The following MYO1B variants were observed in gnomAD, a reference collection of about 807,000 sequenced individuals.
MYO1B encodes the protein unconventional myosin-Ib.
Under a neutral mutation model 159.7 loss-of-function variants are expected in MYO1B, and 72 were observed. The observed-to-expected ratio is 0.45, with a 90% CI of 0.37 to 0.55. The LOEUF (loss-of-function observed/expected upper bound fraction) is 0.55. Ranked by LOEUF, MYO1B falls within the 20% of genes least tolerant of loss-of-function variation. The pLI is 0.00. For synonymous variants in MYO1B, 468 were observed against 473.8 expected, an observed-to-expected ratio of 0.99 and a Z score of 0.16; for missense variants, 1,062 against 1,364.8, an observed-to-expected ratio of 0.78 and a Z score of 3.50.
chr2:191,306,543 T>C (rs1192359868), intron 3 of MYO1B, among the ~76,000 whole-genome samples: 1 of 151,944 alleles, frequency 6.6e-6, no homozygotes, highest in African/African-American at 2.4e-5. Context: ...AAAGAGAAAC[T>C]CAACGAGAGG....
chr2:191,260,465 G>A (rs1198562860), intron 1 of MYO1B, among the ~76,000 whole-genome samples: 1 of 151,626 alleles, frequency 6.6e-6, no homozygotes, highest in Non-Finnish European at 1.5e-5. Flanking sequence ...TTTACACAGT[G>A]TTTTAGTAGT....
At chr2:191,378,965 C>T (rs577164578) in intron 13 of MYO1B, among the ~76,000 whole-genome samples, 3 of 152,266 alleles carry the variant, frequency 2.0e-5, no homozygotes, top group Admixed American at 2.0e-4. Flanking sequence ...GATTTTGAAG[C>T]TTTAAAGCTT....
intron 3 of MYO1B, among the ~76,000 whole-genome samples, chr2:191,317,216 G>T (rs1483208164): frequency 3.2e-4 from 48 of 152,100 alleles, no homozygotes; most frequent in Non-Finnish European, 2.9e-5. Context: ...CAGATTGTAG[G>T]CACTGGATAC....
intron 2 of MYO1B, among the ~76,000 whole-genome samples, chr2:191,284,201 C>A (rs1043997051): frequency 6.6e-6 from 1 of 152,186 alleles, no homozygotes; most frequent in Non-Finnish European, 1.5e-5. Flanking sequence ...ACAGGGGACA[C>A]GTGGCCAGTT....
Position 191,408,202 on chromosome 2 carries a change from T to G in MYO1B, c.2631+13T>G. 6.3e-7 allele frequency: 1 copy of G among 1,591,170 alleles called. No individual in the cohort carries two copies. Among genetic ancestry groups the G allele is most frequent in the Non-Finnish European group, 8.6e-7 (1 of 1,159,534 alleles). On this transcript the variant is annotated intron_variant, in intron 25 of 30. Coordinates refer to ENST00000392318, the MANE Select transcript of MYO1B (RefSeq NM_001130158.3). ...GCTTCAGAGAATTGTAAGTTGACAC[T>G]TTATATCTGTGGATAATCAGCATTG...
At chr2:191,282,118 A>G (rs1215376338) in intron 2 of MYO1B, among the ~76,000 whole-genome samples, 1 of 152,260 alleles carries the variant, frequency 6.6e-6, no homozygotes, top group Non-Finnish European at 1.5e-5. Context: ...TTTCATTTAT[A>G]CACATGAAAA....
At chr2:191,281,859 G>A (rs184960102) in intron 2 of MYO1B, among the ~76,000 whole-genome samples, 1 of 152,178 alleles carries the variant, frequency 6.6e-6, no homozygotes, top group Admixed American at 6.5e-5. Flanking sequence ...TAGATATAGG[G>A]GCCTGAGTTA....
intron 6 of MYO1B, among the ~76,000 whole-genome samples, chr2:191,347,346 G>A (rs539630729): frequency 2.3e-4 from 35 of 152,282 alleles, no homozygotes; most frequent in African/African-American, 8.2e-4. Context: ...GATTTGATCT[G>A]TGCCTTTTCC....
chr2:191,382,353 C>A (rs192705582), intron 14 of MYO1B, among the ~76,000 whole-genome samples: 1 of 152,086 alleles, frequency 6.6e-6, no homozygotes, highest in East Asian at 1.9e-4. Flanking sequence ...ATTGTTATCC[C>A]CAGTGGCTTA....
intron 1 of MYO1B, among the ~76,000 whole-genome samples, chr2:191,271,260 T>C (rs1011362661): frequency 2.0e-5 from 3 of 152,256 alleles, no homozygotes; most frequent in African/African-American, 7.2e-5. Flanking sequence ...GCTAATGCTG[T>C]TATACTGCTA....
chr2:191,358,332 T>TCCC (rs1693434586), intron 7 of MYO1B, among the ~76,000 whole-genome samples: 1 of 152,216 alleles, frequency 6.6e-6, no homozygotes, highest in East Asian at 1.9e-4. Flanking sequence ...TCTCTTTCTA[T>TCCC]TTTCCCTTTG....
chr2:191,251,831 A>G (rs1324146970), intron 1 of MYO1B, among the ~76,000 whole-genome samples: 2 of 152,122 alleles, frequency 1.3e-5, no homozygotes, highest in African/African-American at 2.4e-5. Flanking sequence ...TCACATTGCA[A>G]CCACAACAAA....
intron 3 of MYO1B, 96 bp downstream of exon 3, chr2:191,296,322 GT>G (rs1688980165): frequency 5.1e-6 from 2 of 395,016 alleles, no homozygotes. Flanking sequence ...TCAGAATAAT[GT>G]TTTTGTCAGT....
chr2:191,256,103 CTGTT>C (rs1356270794), intron 1 of MYO1B, among the ~76,000 whole-genome samples: 3 of 152,136 alleles, frequency 2.0e-5, no homozygotes, highest in Non-Finnish European at 4.4e-5. Context: ...AATCTGTGCT[CTGTT>C]TGGTCATTGA....
At chr2:191,341,011 A>G (rs904095644) in intron 4 of MYO1B, among the ~76,000 whole-genome samples, 1 of 152,192 alleles carries the variant, frequency 6.6e-6, no homozygotes, top group Non-Finnish European at 1.5e-5. Context: ...GGCGGGAGCC[A>G]CTGTGCCTGG....
At chr2:191,304,169 G>A (rs1350577755) in intron 3 of MYO1B, among the ~76,000 whole-genome samples, 2 of 152,212 alleles carry the variant, frequency 1.3e-5, no homozygotes, top group East Asian at 3.8e-4. Flanking sequence ...AAACATCTCT[G>A]GGCGTCGCAC....
chr2:191,385,672 T>C (rs1695357613), intron 15 of MYO1B, among the ~76,000 whole-genome samples: 1 of 152,130 alleles, frequency 6.6e-6, no homozygotes, highest in Non-Finnish European at 1.5e-5. Context: ...GACACACTCT[T>C]CCCAACCACA....
At chr2:191,292,402 G>A (rs1043015521) in intron 2 of MYO1B, among the ~76,000 whole-genome samples, 4 of 152,152 alleles carry the variant, frequency 2.6e-5, no homozygotes, top group East Asian at 1.9e-4. Context: ...ACCTAGAGAG[G>A]TAGAACAGCT....
chr2:191,284,885 C>T (rs1051839777), intron 2 of MYO1B, among the ~76,000 whole-genome samples: 3 of 152,134 alleles, frequency 2.0e-5, no homozygotes, highest in South Asian at 2.1e-4. Context: ...CCACCAGCCT[C>T]GGCCTCCGAA....
Sources: allele counts gnomAD v4.1 joint callset (sites outside exome capture counted in the v4.1 genomes callset), GRCh38; gene constraint gnomAD v4.1.1; transcripts MANE v1.5; gene names NCBI Gene and HGNC (gene_info 2026-07-23, HGNC 2026-07-21).